ATP2C1: variants seen among roughly 807,000 people sequenced by gnomAD.
The protein encoded by ATP2C1 is ATPase secretory pathway Ca2+ transporting 1, also known as calcium-transporting ATPase type 2C member 1.
A neutral mutation model predicts 120.5 loss-of-function variants in ATP2C1; 31 were observed. The ratio of observed to expected loss-of-function variants is 0.26; its 90% CI spans 0.19 to 0.35. The LOEUF (loss-of-function observed/expected upper bound fraction) is 0.35, where lower values mean the gene tolerates loss of function less well. ATP2C1 is among the 10% of genes least tolerant of loss of function. ATP2C1 has a pLI of 1.00. For synonymous variants in ATP2C1, 351 were observed against 358.7 expected, an observed-to-expected ratio of 0.98 and a Z score of 0.24; for missense variants, 731 against 1,107.5, an observed-to-expected ratio of 0.66 and a Z score of 4.83.
chr3:130,996,046 T>C lies in ATP2C1; in HGVS notation c.2061T>C (p.Ser687=), dbSNP rs768086417. The change falls in exon 23 of 28, where the codon TCT becomes TCC. Residue 687 remains serine, a synonymous_variant. Coordinates refer to ENST00000510168, the MANE Select transcript of ATP2C1 (RefSeq NM_001378687.1). ...LVDDDFQTIM[S]AIEEGKGIYN... is the part of the protein sequence containing the mutation. Reference sequence around the variant, plus strand: ...ATCTTTATTTTTTAAATTTCAGGTCTGCAATCGAAGAGGGTAAAGGGATTT... The same window carrying C: ...ATCTTTATTTTTTAAATTTCAGGTCCGCAATCGAAGAGGGTAAAGGGATTT... 6.3e-7 allele frequency: 1 copy of C among 1,583,268 alleles called. No homozygotes were observed. The highest frequency in any genetic ancestry group is 8.7e-7 in the Non-Finnish European group (1 of 1,152,492).
Position 130,894,163 on chromosome 3 carries a change from G to A in ATP2C1, c.-355G>A, listed in dbSNP as rs1221493791. 2.4e-5 allele frequency: 7 copies of A among 291,120 alleles called. No individual in the cohort carries two copies. The highest frequency in any genetic ancestry group is 4.2e-4 in the East Asian group (2 of 4,740). The allele number at this position is 291,120 out of a possible 1,614,324, so 18.0% of individuals were successfully genotyped here. On this transcript the variant is annotated 5_prime_UTR_variant, in exon 1 of 28. Transcript: ENST00000510168. This position sits in a 1 kb window ranked among gnomAD's most constrained non-coding sequence, Gnocchi z 4.5. Reference sequence around the variant, plus strand: ...CTCCTCTTCTCTCCCCTCCCCGCCCGCCCTCTCTCCCTCCCTTCCTCCCTC... The same window carrying A: ...CTCCTCTTCTCTCCCCTCCCCGCCCACCCTCTCTCCCTCCCTTCCTCCCTC...
At chr3:130,941,882 T>C (rs1361769088) in intron 8 of ATP2C1, among the ~76,000 whole-genome samples, 183 bp downstream of exon 8, 1 of 152,202 alleles carries the variant, frequency 6.6e-6, no homozygotes, top group Non-Finnish European at 1.5e-5. Context: ...GTAACATCTT[T>C]TGAGGTGTTT....
intron 2 of ATP2C1, among the ~76,000 whole-genome samples, chr3:130,896,865 G>C (rs2069676479): frequency 6.6e-6 from 1 of 152,218 alleles, no homozygotes; most frequent in Admixed American, 6.5e-5. Context: ...TTAAGAGCTT[G>C]AGTTGTGGTG....
chr3:130,940,902 C>T (rs988453396), intron 7 of ATP2C1, among the ~76,000 whole-genome samples: 1 of 111,490 alleles, frequency 9.0e-6, no homozygotes, highest in East Asian at 2.5e-4. Context: ...ATGTATTTAA[C>T]AGATTTTTTT....
At chr3:130,858,218 C>T (rs773365471) in intron 1 of ATP2C1, among the ~76,000 whole-genome samples, 4 of 152,086 alleles carry the variant, frequency 2.6e-5, no homozygotes, top group African/African-American at 9.7e-5. Flanking sequence ...TCCCCTTTGG[C>T]AATACCCTCA....
intron 4 of ATP2C1, 48 bp from the exon 5 acceptor site, chr3:130,934,563 TGCTGAGAGAAC>T: frequency 8.8e-7 from 1 of 1,135,896 alleles, no homozygotes; most frequent in South Asian, 1.3e-5. Context: ...TTAAAGCCTT[TGCTGAGAGAAC>T]TGTCATGTAC....
At chr3:130,929,292 CA>C (rs2108333415) in intron 2 of ATP2C1, among the ~76,000 whole-genome samples, 1 of 152,266 alleles carries the variant, frequency 6.6e-6, no homozygotes, top group Non-Finnish European at 1.5e-5. Flanking sequence ...GAAACTCAGT[CA>C]TACTGAGAGA....
chr3:130,893,384 C>A (rs893734291), upstream of ATP2C1, among the ~76,000 whole-genome samples: 3 of 152,198 alleles, frequency 2.0e-5, no homozygotes, highest in African/African-American at 7.2e-5. Context: ...TGAGGCTGAA[C>A]CTTGCTCTCT....
At chr3:130,926,477 G>A (rs2059211947) in intron 2 of ATP2C1, among the ~76,000 whole-genome samples, 1 of 152,220 alleles carries the variant, frequency 6.6e-6, no homozygotes, top group East Asian at 1.9e-4. Flanking sequence ...CCAAGACCCA[G>A]TATGTGTTAA....
intron 2 of ATP2C1, among the ~76,000 whole-genome samples, chr3:130,915,270 T>G (rs1282805582): frequency 2.0e-5 from 3 of 152,172 alleles, no homozygotes; most frequent in East Asian, 3.9e-4. Context: ...ATTTTTGTAT[T>G]TGTAGTAGAG....
At chr3:130,970,369 T>TACACACACACACACACACACACACAC (rs201337484) in intron 17 of ATP2C1, among the ~76,000 whole-genome samples, 1 of 130,696 alleles carries the variant, frequency 7.7e-6, no homozygotes, top group African/African-American at 2.9e-5. Context: ...AAAAAAAAAT[T>TACACACACACACACACACACACACAC]ACACACACAC....
intron 2 of ATP2C1, among the ~76,000 whole-genome samples, chr3:130,900,085 T>A (rs765627155): frequency 7.2e-5 from 11 of 151,838 alleles, no homozygotes; most frequent in Non-Finnish European, 1.5e-4. Context: ...TGAGATGGAG[T>A]CTCACTCTGT....
At chr3:130,989,362 C>T (rs537151724) in intron 20 of ATP2C1, among the ~76,000 whole-genome samples, 22 of 151,274 alleles carry the variant, frequency 1.5e-4, no homozygotes, top group Admixed American at 8.6e-4. Context: ...GTTGGGAGTT[C>T]GGGACCAGCC....
intron 3 of ATP2C1, 35 bp from the exon 4 acceptor site, chr3:130,931,987 C>G: frequency 7.4e-7 from 1 of 1,347,668 alleles, no homozygotes; most frequent in Non-Finnish European, 1.1e-6. Context: ...TCTGTGCTAA[C>G]ATTTTCAATA....
chr3:130,990,773 A>G (rs1322157059), intron 20 of ATP2C1, among the ~76,000 whole-genome samples: 4 of 152,166 alleles, frequency 2.6e-5, no homozygotes, highest in African/African-American at 9.7e-5. Context: ...TTCTGGATAT[A>G]TTTGTGAGTG....
chr3:130,953,335 A>G (rs1189334796), intron 8 of ATP2C1, among the ~76,000 whole-genome samples: 1 of 152,150 alleles, frequency 6.6e-6, no homozygotes, highest in Non-Finnish European at 1.5e-5. Flanking sequence ...CGGCATGTAT[A>G]ACAATAATGA....
intron 2 of ATP2C1, among the ~76,000 whole-genome samples, chr3:130,911,925 C>A (rs1272350079): frequency 4.9e-5 from 7 of 142,284 alleles, no homozygotes; most frequent in Non-Finnish European, 9.1e-5. Flanking sequence ...TGGAACAGAA[C>A]AGAGCCCTCA....
chr3:130,972,400 C>T (rs1441198527), intron 17 of ATP2C1, among the ~76,000 whole-genome samples: 2 of 152,084 alleles, frequency 1.3e-5, no homozygotes, highest in African/African-American at 4.8e-5. Context: ...CATCACCCTA[C>T]AGCAAGGCTT....
chr3:130,990,261 G>T, intron 20 of ATP2C1, among the ~76,000 whole-genome samples: 1 of 134,038 alleles, frequency 7.5e-6, no homozygotes, highest in Admixed American at 8.2e-5. Flanking sequence ...TTAAATAAGT[G>T]CTTAAGAGCA....
Sources: gnomAD v4.1 joint callset for allele counts (sites outside exome capture counted in the v4.1 genomes callset) on GRCh38, gnomAD v4.1.1 for gene constraint, Gnocchi (gnomAD v3.1) non-coding constraint, MANE v1.5 for transcripts, NCBI Gene and HGNC (gene_info 2026-07-23, HGNC 2026-07-21) for gene names.